Variants in SRD5A2 observed in about 807,000 individuals in gnomAD.
SRD5A2 encodes the protein steroid 5 alpha-reductase 2, also known as 3-oxo-5-alpha-steroid 4-dehydrogenase 2.
SRD5A2 carries 30 observed loss-of-function variants against 27.4 expected under a neutral mutation model. The ratio of observed to expected loss-of-function variants is 1.10; its 90% CI spans 0.82 to 1.49. The LOEUF (loss-of-function observed/expected upper bound fraction) is 1.49. SRD5A2 is among the 40% of genes most tolerant of loss of function. The pLI is 0.00. For missense variants in SRD5A2, 348 were observed against 323.4 expected, an observed-to-expected ratio of 1.08 and a Z score of -0.58; for synonymous variants, 141 against 133.6, an observed-to-expected ratio of 1.06 and a Z score of -0.38.
At chr2:31,564,064 A>G (rs557112567) in intron 1 of SRD5A2, among the ~76,000 whole-genome samples, 159 of 152,260 alleles carry the variant, frequency 1.0e-3, no homozygotes, top group African/African-American at 3.8e-3. Flanking sequence ...GCATGCAAAA[A>G]GGGAGGAAAA....
chr2:31,596,332 G>A, the SRD5A2 span, among the ~76,000 whole-genome samples: 1 of 144,760 alleles, frequency 6.9e-6, no homozygotes, highest in Non-Finnish European at 1.5e-5. Context: ...AGGTTGCAGT[G>A]AGCCAAGATC....
chr2:31,584,284 A>C (rs1399609213), upstream of SRD5A2, among the ~76,000 whole-genome samples: 2 of 152,238 alleles, frequency 1.3e-5, no homozygotes, highest in Non-Finnish European at 2.9e-5. Flanking sequence ...CTATCTTCTT[A>C]ACAAAACATA....
the SRD5A2 span, among the ~76,000 whole-genome samples, chr2:31,599,252 T>C: frequency 1.3e-5 from 2 of 151,936 alleles, no homozygotes; most frequent in Admixed American, 1.3e-4. Context: ...GAACATATCT[T>C]CCAGACAGAA....
the SRD5A2 span, among the ~76,000 whole-genome samples, chr2:31,637,807 A>ATTT: frequency 1.3e-5 from 2 of 151,916 alleles, no homozygotes; most frequent in Non-Finnish European, 2.9e-5. Flanking sequence ...ATTATTTCTG[A>ATTT]TTTTATTCAT....
chr2:31,634,760 C>G, the SRD5A2 span, among the ~76,000 whole-genome samples: 1 of 152,052 alleles, frequency 6.6e-6, no homozygotes, highest in Non-Finnish European at 1.5e-5. Context: ...TTTTAGCTCC[C>G]ACATATAAAT....
chr2:31,530,027 T>A (rs1402874033), intron 3 of SRD5A2, among the ~76,000 whole-genome samples: 1 of 152,206 alleles, frequency 6.6e-6, no homozygotes, highest in Non-Finnish European at 1.5e-5. Flanking sequence ...TGTCCTGCTG[T>A]AGGCTGGTGA....
the SRD5A2 span, among the ~76,000 whole-genome samples, chr2:31,612,723 A>G: frequency 1.3e-5 from 2 of 152,218 alleles, no homozygotes; most frequent in Non-Finnish European, 2.9e-5. Flanking sequence ...ATCTTGAGCA[A>G]AAAGAACAAT....
At chr2:31,600,337 G>A in the SRD5A2 span, among the ~76,000 whole-genome samples, 1 of 151,840 alleles carries the variant, frequency 6.6e-6, no homozygotes, top group Non-Finnish European at 1.5e-5. Context: ...TATTCCTTTG[G>A]TAATACACCT....
At chr2:31,593,674 T>C in the SRD5A2 span, among the ~76,000 whole-genome samples, 198 of 152,232 alleles carry the variant, frequency 1.3e-3, no homozygotes, top group African/African-American at 4.2e-3. Flanking sequence ...GATCTAGACA[T>C]CCAAATACAA....
At chr2:31,605,190 A>G in the SRD5A2 span, among the ~76,000 whole-genome samples, 1 of 151,946 alleles carries the variant, frequency 6.6e-6, no homozygotes, top group Admixed American at 6.6e-5. Flanking sequence ...AAACAATAAA[A>G]CTACTACAAG....
chr2:31,591,541 G>T, the SRD5A2 span, among the ~76,000 whole-genome samples: 1 of 151,856 alleles, frequency 6.6e-6, no homozygotes, highest in Admixed American at 6.6e-5. Context: ...ATTCCTCAGG[G>T]ATCTTGAACT....
At chr2:31,574,255 G>A (rs1490338070) in intron 1 of SRD5A2, among the ~76,000 whole-genome samples, 2 of 152,136 alleles carry the variant, frequency 1.3e-5, no homozygotes. Flanking sequence ...CAAGCACTAG[G>A]TATTGTACTC....
chr2:31,533,851 A>G, intron 1 of SRD5A2, 85 bp from the exon 2 acceptor site: 1 of 1,439,830 alleles, frequency 6.9e-7, no homozygotes, highest in Non-Finnish European at 9.3e-7. Context: ...AGCTCACACC[A>G]GAAGGTACAA....
chr2:31,595,779 G>C, the SRD5A2 span, among the ~76,000 whole-genome samples: 1 of 152,040 alleles, frequency 6.6e-6, no homozygotes, highest in Non-Finnish European at 1.5e-5. Flanking sequence ...TAATATTCCT[G>C]GTGAGCATAG....
chr2:31,625,266 C>T, the SRD5A2 span, among the ~76,000 whole-genome samples: 16 of 152,142 alleles, frequency 1.1e-4, no homozygotes, highest in Admixed American at 7.2e-4. Context: ...ATTAACCCTT[C>T]GTCAGATAGG....
At chr2:31,586,970 G>C in the SRD5A2 span, among the ~76,000 whole-genome samples, 2 of 152,206 alleles carry the variant, frequency 1.3e-5, no homozygotes, top group East Asian at 3.9e-4. Context: ...AAATCTCAAA[G>C]AAATTAAAGA....
intron 1 of SRD5A2, among the ~76,000 whole-genome samples, chr2:31,558,446 T>G (rs1307047273): frequency 6.6e-6 from 1 of 151,718 alleles, no homozygotes; most frequent in Non-Finnish European, 1.5e-5. Flanking sequence ...TAGGGAGGAG[T>G]CCTTACTTGA....
At position 31,580,708 on chromosome 2, in the gene SRD5A2, C is replaced by T. The variant is rs1186430097; in HGVS notation, c.193G>A (p.Ala65Thr). 6.2e-7 allele frequency: 1 copy of T among 1,604,540 alleles called. No individual in the cohort carries two copies. Among genetic ancestry groups the T allele is most frequent in the Non-Finnish European group, 8.5e-7 (1 of 1,178,952 alleles). ...AGGGGCTGCCGGGCGAGGATCCCCGCGGGCACCGCGAAGGAAGGCAGCTCC... is the reference window on the plus strand; with the variant it reads ...AGGGGCTGCCGGGCGAGGATCCCCGTGGGCACCGCGAAGGAAGGCAGCTCC... ...LQELPSFAVPAGILARQPLSL... is the reference protein window; with the variant it reads ...LQELPSFAVPTGILARQPLSL... Residue 65 changes from alanine (A) to threonine (T), a missense_variant, in exon 1 of 5, where the codon GCG becomes ACG. Ala to Thr is a moderately conservative substitution (Grantham distance 58). Coordinates refer to ENST00000622030, the MANE Select transcript of SRD5A2 (RefSeq NM_000348.4).
intron 2 of SRD5A2, among the ~76,000 whole-genome samples, chr2:31,532,927 C>T (rs1303075135): frequency 6.6e-6 from 1 of 151,960 alleles, no homozygotes; most frequent in Non-Finnish European, 1.5e-5. Flanking sequence ...AGGAACCAAC[C>T]CCCATGAATA....
Sources: gnomAD v4.1 joint callset for allele counts (sites outside exome capture counted in the v4.1 genomes callset) on GRCh38, gnomAD v4.1.1 for gene constraint, MANE v1.5 for transcripts, NCBI Gene and HGNC (gene_info 2026-07-23, HGNC 2026-07-21) for gene names.